The following RNF217 variants were observed in gnomAD, a reference collection of about 807,000 sequenced individuals.
RNF217 encodes the protein ring finger protein 217.
Under a neutral mutation model 57.8 loss-of-function variants are expected in RNF217, and 31 were observed. The observed-to-expected ratio is 0.54, with a 90% CI of 0.40 to 0.72. RNF217 has a LOEUF of 0.72. RNF217 is among the 30% of genes least tolerant of loss of function. The pLI, the probability that RNF217 is intolerant of heterozygous loss-of-function variation, is 0.00. For missense variants in RNF217, 696 were observed against 708.3 expected, an observed-to-expected ratio of 0.98 and a Z score of 0.20; for synonymous variants, 313 against 294.0, an observed-to-expected ratio of 1.06 and a Z score of -0.66.
At chr6:125,081,120 G>A (rs956806100) in intron 4 of RNF217, among the ~76,000 whole-genome samples, 3 of 152,030 alleles carry the variant, frequency 2.0e-5, no homozygotes, top group East Asian at 3.9e-4. Flanking sequence ...AAATGGAAAG[G>A]ATCTTAAGGA....
intron 1 of RNF217, among the ~76,000 whole-genome samples, chr6:125,026,378 A>T (rs1786080757): frequency 6.6e-6 from 1 of 152,166 alleles, no homozygotes; most frequent in African/African-American, 2.4e-5. Context: ...AACTGAGGTT[A>T]ATCAATGGAA....
At chr6:125,065,576 T>G (rs1359627490) in intron 3 of RNF217, among the ~76,000 whole-genome samples, 1 of 152,150 alleles carries the variant, frequency 6.6e-6, no homozygotes, top group Admixed American at 6.6e-5. Flanking sequence ...TTGAGAGCTG[T>G]GTTATAGATG....
intron 3 of RNF217, among the ~76,000 whole-genome samples, chr6:125,073,483 C>A (rs935221560): frequency 1.3e-5 from 2 of 152,106 alleles, no homozygotes; most frequent in African/African-American, 4.8e-5. Flanking sequence ...AATCTACAGG[C>A]CTTGCAAAAC....
chr6:125,009,423 A>G (rs1785333054), intron 1 of RNF217: 3 of 536,090 alleles, frequency 5.6e-6, no homozygotes, highest in Non-Finnish European at 1.0e-5. Flanking sequence ...AGTATAAGTG[A>G]TTTTCTTTCA....
intron 3 of RNF217, among the ~76,000 whole-genome samples, chr6:125,074,467 A>G (rs1437510229): frequency 2.0e-5 from 3 of 152,168 alleles, no homozygotes; most frequent in African/African-American, 7.2e-5. Flanking sequence ...TTTGAAATTC[A>G]TATTGTTCCA....
intron 2 of RNF217, among the ~76,000 whole-genome samples, chr6:125,047,624 AT>A (rs1787147397): frequency 6.6e-6 from 1 of 151,998 alleles, no homozygotes. Context: ...GGAAAAGAAA[AT>A]TTGCTTTGGT....
chr6:125,045,786 A>G (rs1018791985), intron 2 of RNF217, among the ~76,000 whole-genome samples: 1 of 151,654 alleles, frequency 6.6e-6, no homozygotes, highest in Admixed American at 6.6e-5. Flanking sequence ...TTTTTTTTTC[A>G]GTGGTCCCAA....
At chr6:124,967,624 A>G (rs977855248) in intron 1 of RNF217, among the ~76,000 whole-genome samples, 1 of 152,196 alleles carries the variant, frequency 6.6e-6, no homozygotes, top group Non-Finnish European at 1.5e-5. Context: ...TTTCTTCTAC[A>G]GATTGTGAAC....
intron 1 of RNF217, among the ~76,000 whole-genome samples, chr6:125,014,215 G>A (rs1233096597): frequency 6.6e-6 from 1 of 152,112 alleles, no homozygotes; most frequent in Non-Finnish European, 1.5e-5. Context: ...GCTCTTGCAT[G>A]CCTTTATCAA....
intron 3 of RNF217, among the ~76,000 whole-genome samples, chr6:125,076,280 A>C (rs1381945583): frequency 6.6e-6 from 1 of 152,136 alleles, no homozygotes; most frequent in Admixed American, 6.6e-5. Flanking sequence ...TATTCCCCCA[A>C]GTTGGCTCAT....
At chr6:124,964,583 C>T (rs796862914) in intron 1 of RNF217, among the ~76,000 whole-genome samples, 17 of 152,222 alleles carry the variant, frequency 1.1e-4, no homozygotes, top group African/African-American at 3.6e-4. Flanking sequence ...TGGGTCTAGA[C>T]TGAAAGTGTG....
intron 1 of RNF217, among the ~76,000 whole-genome samples, chr6:125,007,625 C>A (rs916726905): frequency 6.6e-6 from 1 of 152,126 alleles, no homozygotes; most frequent in Non-Finnish European, 1.5e-5. Context: ...GGGGTGCAGA[C>A]ATCTTTTGTT....
At chr6:125,061,815 G>A (rs1368622613) in intron 3 of RNF217, among the ~76,000 whole-genome samples, 2 of 151,628 alleles carry the variant, frequency 1.3e-5, no homozygotes, top group Non-Finnish European at 2.9e-5. Flanking sequence ...AGTTTAAAAA[G>A]TCATTCAGAA....
chr6:125,002,427 C>T (rs1785023975), intron 1 of RNF217, among the ~76,000 whole-genome samples: 1 of 150,720 alleles, frequency 6.6e-6, no homozygotes, highest in Admixed American at 6.6e-5. Flanking sequence ...CAAATGCTGT[C>T]GTGCCCCCTG....
At chr6:125,070,921 C>T (rs1206529321) in intron 3 of RNF217, among the ~76,000 whole-genome samples, 1 of 152,130 alleles carries the variant, frequency 6.6e-6, no homozygotes, top group African/African-American at 2.4e-5. Context: ...GCCTTCATTT[C>T]TTGGTGAAAC....
chr6:124,976,383 C>T (rs1413973523), intron 1 of RNF217, among the ~76,000 whole-genome samples: 5 of 151,394 alleles, frequency 3.3e-5, no homozygotes, highest in African/African-American at 1.2e-4. Context: ...ATTCTCCTGC[C>T]TCAGCCTCCT....
At chr6:125,068,050 T>G (rs999973337) in intron 3 of RNF217, among the ~76,000 whole-genome samples, 4 of 152,038 alleles carry the variant, frequency 2.6e-5, no homozygotes, top group Non-Finnish European at 4.4e-5. Flanking sequence ...CAGATGGGGG[T>G]CATGGATAAT....
intron 2 of RNF217, among the ~76,000 whole-genome samples, chr6:125,052,266 C>G (rs1787345789): frequency 6.7e-6 from 1 of 148,522 alleles, no homozygotes; most frequent in African/African-American, 2.5e-5. Flanking sequence ...CTCAATATAG[C>G]TTACCTTGTC....
In RNF217 at chr6:125,083,239, C is replaced by G. The variant is rs1346952352; in HGVS notation, c.*302C>G. On this transcript the variant is annotated 3_prime_UTR_variant, in exon 6 of 6. Transcript: ENST00000521654. ...AGAAGATATTTTAAGAACCAGTTAT[C>G]CTAAGAATTCTGAGCACGCCTCTTC... is the stretch of plus-strand genomic sequence containing the variant. 9.2e-6 allele frequency: 2 copies of G among 217,670 alleles called. No individual in the cohort carries two copies. The highest frequency in any genetic ancestry group is 4.6e-5 in the African/African-American group (2 of 43,430). 13.5% of individuals were successfully genotyped at this position (217,670 alleles called of 1,614,324 possible).
Sources: allele counts gnomAD v4.1 joint callset (sites outside exome capture counted in the v4.1 genomes callset), GRCh38; gene constraint gnomAD v4.1.1; transcripts MANE v1.5; gene names NCBI Gene and HGNC (gene_info 2026-07-23, HGNC 2026-07-21).